CSMD3: variants seen among roughly 807,000 people sequenced by gnomAD.
The protein encoded by CSMD3 is CUB and Sushi multiple domains 3.
A neutral mutation model predicts 435.2 loss-of-function variants in CSMD3; 177 were observed. The observed-to-expected ratio is 0.41, with a 90% confidence interval of 0.36 to 0.46. The LOEUF (loss-of-function observed/expected upper bound fraction) is 0.46. Ranked by LOEUF, CSMD3 falls within the 20% of genes least tolerant of loss-of-function variation. The pLI is 0.34. For synonymous variants in CSMD3, 1,656 were observed against 1,520.5 expected (o/e 1.09, Z -2.07); for missense variants, 4,265 against 4,504.6 (o/e 0.95, Z 1.52).
intron 1 of CSMD3, among the ~76,000 whole-genome samples, chr8:113,316,063 AC>A (rs1197504877): frequency 6.6e-6 from 1 of 152,002 alleles, no homozygotes; most frequent in Non-Finnish European, 1.5e-5. Context: ...TAATGTAAAA[AC>A]CTAAGATTAA....
At chr8:112,654,208 T>C (rs2075201989) in intron 18 of CSMD3, among the ~76,000 whole-genome samples, 1 of 152,162 alleles carries the variant, frequency 6.6e-6, no homozygotes, top group South Asian at 2.1e-4. Context: ...TCATTAGCAA[T>C]CTACTGATTT....
intron 7 of CSMD3, among the ~76,000 whole-genome samples, chr8:112,955,470 G>A (rs538404567): frequency 2.0e-5 from 3 of 151,858 alleles, no homozygotes; most frequent in African/African-American, 7.2e-5. Flanking sequence ...TCAAATCTGA[G>A]TAATTGGCAC....
intron 35 of CSMD3, among the ~76,000 whole-genome samples, chr8:112,396,208 G>C (rs1014818582): frequency 2.0e-5 from 3 of 152,190 alleles, no homozygotes; most frequent in Non-Finnish European, 2.9e-5. Context: ...ATACAATTGA[G>C]AGGGAAATCA....
At chr8:112,891,116 C>A (rs2081774522) in intron 10 of CSMD3, among the ~76,000 whole-genome samples, 1 of 151,602 alleles carries the variant, frequency 6.6e-6, no homozygotes, top group South Asian at 2.1e-4. Flanking sequence ...AGCCACACGA[C>A]AGACCTCCTG....
At chr8:112,890,867 T>G (rs1357218092) in intron 10 of CSMD3, among the ~76,000 whole-genome samples, 1 of 151,652 alleles carries the variant, frequency 6.6e-6, no homozygotes, top group African/African-American at 2.4e-5. Flanking sequence ...AGCAGTCAGT[T>G]AATGTTTTGT....
chr8:113,006,756 T>A (rs1024255586), intron 6 of CSMD3, among the ~76,000 whole-genome samples: 1 of 151,434 alleles, frequency 6.6e-6, no homozygotes, highest in Non-Finnish European at 1.5e-5. Flanking sequence ...CTCTGAGAGG[T>A]AGAACTACCT....
At chr8:113,245,261 A>G (rs1022821311) in intron 3 of CSMD3, among the ~76,000 whole-genome samples, 4 of 152,068 alleles carry the variant, frequency 2.6e-5, no homozygotes, top group Middle Eastern at 3.2e-3. Flanking sequence ...TTTATGTTCA[A>G]TGTAAGTACC....
intron 30 of CSMD3, among the ~76,000 whole-genome samples, chr8:112,499,203 C>G (rs1353405466): frequency 6.6e-6 from 1 of 150,828 alleles, no homozygotes; most frequent in South Asian, 2.1e-4. Context: ...AAATATGAAG[C>G]AAAAAATAAA....
intron 1 of CSMD3, among the ~76,000 whole-genome samples, chr8:113,348,450 T>C (rs1038372461): frequency 1.3e-5 from 2 of 152,066 alleles, no homozygotes; most frequent in Non-Finnish European, 2.9e-5. Flanking sequence ...GCTTCTTGTA[T>C]AAGATGAAAA....
At chr8:112,769,114 G>T (rs1471148919) in intron 13 of CSMD3, among the ~76,000 whole-genome samples, 1 of 151,756 alleles carries the variant, frequency 6.6e-6, no homozygotes, top group African/African-American at 2.4e-5. Context: ...TTACCACCTT[G>T]CTCTAATATG....
At chr8:113,048,104 T>C (rs2087917245) in intron 5 of CSMD3, among the ~76,000 whole-genome samples, 1 of 88,864 alleles carries the variant, frequency 1.1e-5, no homozygotes, top group African/African-American at 5.1e-5. Context: ...TTTTTTTTTT[T>C]GAGACCGAGA....
intron 13 of CSMD3, among the ~76,000 whole-genome samples, chr8:112,762,667 A>C (rs1024222933): frequency 6.6e-5 from 10 of 151,962 alleles, no homozygotes. Context: ...TGTTTGTTTG[A>C]ATTTTGGCTG....
intron 13 of CSMD3, among the ~76,000 whole-genome samples, chr8:112,751,456 G>C (rs1386692255): frequency 6.6e-6 from 1 of 152,072 alleles, no homozygotes; most frequent in Non-Finnish European, 1.5e-5. Flanking sequence ...AATACTATAT[G>C]ATTGAAATAT....
Position 113,278,621 on chromosome 8 carries a change from C to G in CSMD3, c.485G>C (p.Ser162Thr), listed in dbSNP as rs2132458771. 1 of 1,586,958 alleles carries G rather than the reference C, an allele frequency of 6.3e-7. No homozygotes were observed. Among genetic ancestry groups the G allele is most frequent in the Non-Finnish European group, 8.7e-7 (1 of 1,155,710 alleles). Residue 162 changes from serine (S) to threonine (T), a missense_variant, in exon 3 of 71, where the codon AGT (serine) becomes ACT (threonine). Physicochemically the swap from Ser to Thr is moderately conservative, Grantham distance 58. This residue lies in a region of CSMD3 where 731 missense variants were observed against 755.4 expected (regional missense o/e 0.97). Coordinates refer to ENST00000297405, the MANE Select transcript of CSMD3 (RefSeq NM_198123.2). ...GTAATATACCTTAAATCCATGAGCA[C>G]TAACTGCAAAATCACTGGTCAAACG... ...SLRLTSDFAV[S>T]AHGFKVYYEE...
In CSMD3 at chr8:113,045,950, G is replaced by A. The variant is rs1210471439; in HGVS notation, c.918-26771C>T. The stretch of plus-strand genomic sequence containing the variant: ...ATTTTCTTTTAGACCAAAATATCTG[G>A]GAAATTTGTAAACGACCCTTTTTAC... On this transcript the variant is annotated intron_variant, in intron 5 of 70. Transcript: ENST00000297405. Among the ~76,000 whole-genome samples, 3 of 149,060 alleles carry A rather than the reference G, an allele frequency of 2.0e-5. 1 individual carries two copies. The highest frequency in any genetic ancestry group is 2.0e-4 in the Admixed American group (3 of 15,008).
rs929430027 is a variant in CSMD3, at chr8:112,319,931, T to G, written c.7216A>C (p.Ile2406Leu). Reference sequence around the variant, plus strand: ...TCAAATTCATCATCTTCCGTCAAAATTTCAGCATTGGGCACAGGTGGTGGA... The same window carrying G: ...TCAAATTCATCATCTTCCGTCAAAAGTTCAGCATTGGGCACAGGTGGTGGA... ...QPPPPVPNAE[I>L]LTEDDEFEIG... The change falls in exon 46 of 71, where the codon ATT becomes CTT. Residue 2406 changes from isoleucine to leucine, a missense_variant. Physicochemically the swap from Ile to Leu is conservative, Grantham distance 5. Transcript: ENST00000297405. The G allele has an allele frequency of 3.1e-6, 5 of 1,612,848 alleles. No individual in the cohort carries two copies. The highest frequency in any genetic ancestry group is 3.3e-5 in the Admixed American group (2 of 59,882).
At chr8:113,232,166 A>T (rs2093096353) in intron 3 of CSMD3, among the ~76,000 whole-genome samples, 1 of 151,572 alleles carries the variant, frequency 6.6e-6, no homozygotes, top group African/African-American at 2.4e-5. Context: ...TACTTTTCTC[A>T]GTATTGGCTA....
intron 6 of CSMD3, among the ~76,000 whole-genome samples, chr8:113,008,004 T>C (rs2131107643): frequency 6.6e-6 from 1 of 151,952 alleles, no homozygotes; most frequent in South Asian, 2.1e-4. Flanking sequence ...AATATCTCAA[T>C]ATCTTCTCAG....
chr8:112,406,625 T>C lies in CSMD3; in HGVS notation c.5708A>G (p.Asp1903Gly), dbSNP rs1831883840. The change falls in exon 35 of 71, where the codon GAT becomes GGT. Residue 1903 changes from aspartate (D) to glycine (G), a missense_variant. This residue lies in a region of CSMD3 where 3,255 missense variants were observed against 3,380.2 expected (regional missense o/e 0.96). Transcript: ENST00000297405. ...EFAVGSSVLF[D>G]CNPGYILHGS... ...ATGGAGAATATATCCTGGATTACAATCAAAAAGAACCGATGAACCGACTGC... is the reference window on the plus strand; with the variant it reads ...ATGGAGAATATATCCTGGATTACAACCAAAAAGAACCGATGAACCGACTGC... 1 of 1,612,832 alleles carries C rather than the reference T, an allele frequency of 6.2e-7. No individual in the cohort carries two copies. Among genetic ancestry groups the C allele is most frequent in the Admixed American group, 1.7e-5 (1 of 59,960 alleles).
Sources: gnomAD v4.1 joint callset for allele counts (sites outside exome capture counted in the v4.1 genomes callset) on GRCh38, gnomAD v4.1.1 for gene constraint, gnomAD v4.1.1 regional missense constraint, MANE v1.5 for transcripts, NCBI Gene and HGNC (gene_info 2026-07-23, HGNC 2026-07-21) for gene names.